WWOX: variants seen among roughly 807,000 people sequenced by gnomAD.
WWOX encodes the protein WW domain containing oxidoreductase, also known as WW domain-containing oxidoreductase.
A neutral mutation model predicts 46.2 loss-of-function variants in WWOX; 69 were observed. That is an observed-to-expected ratio of 1.49 (90% CI 1.23 to 1.82). WWOX has a LOEUF of 1.82. WWOX is among the 40% of genes most tolerant of loss of function. WWOX has a pLI of 0.00. For missense variants in WWOX, 919 were observed against 542.6 expected, an observed-to-expected ratio of 1.69 and a Z score of -6.89; for synonymous variants, 359 against 202.6, an observed-to-expected ratio of 1.77 and a Z score of -6.56.
chr16:78,845,765 G>A (rs140116037), intron 8 of WWOX, among the ~76,000 whole-genome samples: 141 of 152,298 alleles, frequency 9.3e-4, no homozygotes, highest in African/African-American at 2.9e-3. Flanking sequence ...TACTAATCCT[G>A]TACTAATTTA....
chr16:79,063,848 C>A (rs1260930221), intron 8 of WWOX, among the ~76,000 whole-genome samples: 2 of 152,188 alleles, frequency 1.3e-5, no homozygotes, highest in Non-Finnish European at 2.9e-5. Flanking sequence ...ATGATGATAG[C>A]TGTTGCTGCT....
rs1227489730 is a variant in WWOX at position 78,578,282 on chromosome 16, A to ATTTTTTTTTTT, written c.1056+145531_1056+145532insTTTTTTTTTTT. Among the ~76,000 whole-genome samples, 25 of 34,200 alleles carry ATTTTTTTTTTT rather than the reference A, an allele frequency of 7.3e-4. 1 individual carries two copies. Among genetic ancestry groups the ATTTTTTTTTTT allele is most frequent in the African/African-American group, 3.4e-3 (24 of 7,116 alleles). The allele number at this position is 34,200 out of a possible 152,430, so 22.4% of individuals were successfully genotyped here. On this transcript the variant is annotated intron_variant, in intron 8 of 8. Coordinates refer to ENST00000566780, the MANE Select transcript of WWOX (RefSeq NM_016373.4). ...TATATATATATATATATATATATAT[A>ATTTTTTTTTTT]TATTTTTTTTTTTTTTTTTTTTTTT...
intron 8 of WWOX, among the ~76,000 whole-genome samples, chr16:78,838,955 G>C (rs2052065136): frequency 6.6e-6 from 1 of 152,114 alleles, no homozygotes. Flanking sequence ...GCAACTGGAG[G>C]ATCCTGGTAT....
chr16:78,178,078 T>C (rs548319021), intron 5 of WWOX, among the ~76,000 whole-genome samples: 154 of 152,302 alleles, frequency 1.0e-3, no homozygotes, highest in African/African-American at 3.5e-3. Flanking sequence ...AGGAGGGTGA[T>C]GAGACACTTT....
At chr16:78,680,197 C>T (rs1246757656) in intron 8 of WWOX, among the ~76,000 whole-genome samples, 1 of 152,082 alleles carries the variant, frequency 6.6e-6, no homozygotes, top group Non-Finnish European at 1.5e-5. Context: ...ATAGCTTGAG[C>T]CCAGGAGTTC....
chr16:78,756,171 A>T (rs981859601), intron 8 of WWOX, among the ~76,000 whole-genome samples: 2 of 152,214 alleles, frequency 1.3e-5, no homozygotes, highest in African/African-American at 2.4e-5. Context: ...TCTAGTATGT[A>T]CTGCCTCTGG....
chr16:78,899,303 T>G (rs2044770920), intron 8 of WWOX: 1 of 152,204 alleles, frequency 6.6e-6, no homozygotes, highest in Non-Finnish European at 1.5e-5. Flanking sequence ...TATATTTTTC[T>G]TATTCTTACT....
intron 8 of WWOX, among the ~76,000 whole-genome samples, chr16:78,853,305 C>G (rs1238624399): frequency 6.6e-6 from 1 of 152,190 alleles, no homozygotes; most frequent in East Asian, 1.9e-4. Context: ...ACTGCAACCT[C>G]TGTCTCCTGG....
At chr16:79,075,730 T>C (rs1224607648) in intron 8 of WWOX, among the ~76,000 whole-genome samples, 9 of 152,066 alleles carry the variant, frequency 5.9e-5, no homozygotes. Flanking sequence ...TTTTTGTATT[T>C]TTAGTAGAGA....
chr16:78,923,884 C>T (rs2045438196), intron 8 of WWOX, among the ~76,000 whole-genome samples: 1 of 148,290 alleles, frequency 6.7e-6, no homozygotes, highest in Non-Finnish European at 1.5e-5. Context: ...ACTGCAACCT[C>T]CGCCTCCTGG....
intron 5 of WWOX, among the ~76,000 whole-genome samples, chr16:78,321,034 A>G (rs1256267011): frequency 6.6e-6 from 1 of 152,156 alleles, no homozygotes; most frequent in Admixed American, 6.5e-5. Context: ...ATAGCCTCAC[A>G]GATGGCATAT....
At chr16:78,988,561 C>T (rs901949294) in intron 8 of WWOX, among the ~76,000 whole-genome samples, 5 of 152,018 alleles carry the variant, frequency 3.3e-5, no homozygotes, top group Admixed American at 6.6e-5. Flanking sequence ...GAGGTCCCAG[C>T]GGAATAAACA....
intron 5 of WWOX, among the ~76,000 whole-genome samples, chr16:78,315,647 C>G (rs576927498): frequency 5.3e-5 from 8 of 151,976 alleles, no homozygotes; most frequent in Middle Eastern, 3.4e-3. Context: ...AAGACTGTCT[C>G]AAAAAAGAAT....
At position 78,386,760 on chromosome 16, in the gene WWOX, G is replaced by C. The variant is rs562868088; in HGVS notation, c.517-100G>C. Reference sequence around the variant, plus strand: ...CTCTCTGGGCGTCTTATATTAAACAGGGGAATTCCGACATGTTCCATAACA... The same window carrying C: ...CTCTCTGGGCGTCTTATATTAAACACGGGAATTCCGACATGTTCCATAACA... On this transcript the variant is annotated intron_variant, in intron 5 of 8. Transcript: ENST00000566780. 129 of 1,049,774 alleles carry C rather than the reference G, an allele frequency of 1.2e-4. No homozygotes were observed. The Middle Eastern group carries it at 1.3e-3, about 11-fold the overall frequency. 65.0% of individuals were successfully genotyped at this position (1,049,774 alleles called of 1,614,324 possible).
rs555673388 is a variant in WWOX at position 78,471,540 on chromosome 16, A to G, written c.1056+38788A>G. Among the ~76,000 whole-genome samples the G allele has an allele frequency of 8.2e-4, 125 of 152,354 alleles. 1 individual carries two copies. The highest frequency in any genetic ancestry group is 3.0e-3 in the African/African-American group (123 of 41,574). ...TGGTGGTTTGGGATGTGATGATCTC[A>G]GAACTTTACATCCTCCATGAAATCT... On this transcript the variant is annotated intron_variant, in intron 8 of 8. Transcript: ENST00000566780.
At chr16:78,505,407 C>G (rs1465434136) in intron 8 of WWOX, among the ~76,000 whole-genome samples, 1 of 152,174 alleles carries the variant, frequency 6.6e-6, no homozygotes, top group East Asian at 1.9e-4. Flanking sequence ...GCTCAGGACA[C>G]TCTGAGATGG....
At chr16:78,985,019 A>G (rs1476546249) in intron 8 of WWOX, among the ~76,000 whole-genome samples, 2 of 151,884 alleles carry the variant, frequency 1.3e-5, no homozygotes, top group African/African-American at 2.4e-5. Flanking sequence ...CCCAGCTCCA[A>G]GTGTTGCTGA....
At chr16:78,181,525 C>G (rs1381262912) in intron 5 of WWOX, among the ~76,000 whole-genome samples, 1 of 152,144 alleles carries the variant, frequency 6.6e-6, no homozygotes, top group Non-Finnish European at 1.5e-5. Context: ...CTTAATGAAA[C>G]TAAGGCCGGA....
intron 8 of WWOX, among the ~76,000 whole-genome samples, chr16:79,202,049 C>G (rs1265263138): frequency 1.4e-5 from 2 of 143,626 alleles, no homozygotes; most frequent in Non-Finnish European, 3.0e-5. Context: ...AAATCTGGCC[C>G]AGTGCCTTTT....
Sources: gnomAD v4.1 joint callset for allele counts (sites outside exome capture counted in the v4.1 genomes callset) on GRCh38, gnomAD v4.1.1 for gene constraint, MANE v1.5 for transcripts, NCBI Gene and HGNC (gene_info 2026-07-23, HGNC 2026-07-21) for gene names.